The following FTSJ3 variants were observed in gnomAD, a reference collection of about 807,000 sequenced individuals.
FTSJ3 encodes the protein FtsJ RNA 2'-O-methyltransferase 3, also known as pre-rRNA 2'-O-ribose RNA methyltransferase FTSJ3.
In FTSJ3, 46 loss-of-function variants were observed where a neutral mutation model predicts 111.5. The ratio of observed to expected loss-of-function variants is 0.41; its 90% CI spans 0.33 to 0.53. The LOEUF (loss-of-function observed/expected upper bound fraction) is 0.53. Ranked by LOEUF, FTSJ3 falls within the 20% of genes least tolerant of loss-of-function variation. The probability of loss-of-function intolerance (pLI) is 0.19; values close to 1 mark genes in which losing one functional copy is unlikely to be tolerated. For missense variants in FTSJ3, 1,075 were observed against 1,063.8 expected (o/e 1.01, Z -0.15); for synonymous variants, 408 against 383.0 (o/e 1.07, Z -0.76).
rs1347936320 is a variant in FTSJ3 at position 63,821,413 on chromosome 17, C to T, written c.1827G>A (p.Gly609=). Residue 609 remains glycine (G), a synonymous_variant, in exon 16 of 21, where the codon GGG becomes GGA. Transcript: ENST00000427159. The part of the protein sequence containing the change: ...SGTEAATGLE[G]EEKDGISDSD... ...TGTCTGAGATGCCATCCTTTTCTTCCCCTTCAAGGCCAGTGGCAGCTTCTG... is the reference window on the plus strand; with the variant it reads ...TGTCTGAGATGCCATCCTTTTCTTCTCCTTCAAGGCCAGTGGCAGCTTCTG... 2 of 1,613,952 alleles carry T rather than the reference C, an allele frequency of 1.2e-6. No homozygotes were observed. The highest frequency in any genetic ancestry group is 3.3e-5 in the Admixed American group (2 of 60,006).
rs185973898 is a variant in FTSJ3 at position 63,820,099 on chromosome 17, C to A, written c.2331G>T (p.Glu777Asp). ...ATTACCTTCGCAGCTGTGCCACTTT[C>A]TCTCGTTCTGAGATGTCCACTGTGT... ...VVNTVDISER[E>D]KVAQLRSLYK... The change falls in exon 20 of 21, where the codon GAG (glutamate) becomes GAT (aspartate). Residue 777 changes from glutamate (E) to aspartate (D), a missense_variant. Glu to Asp is a conservative substitution (Grantham distance 45, BLOSUM62 2). Coordinates refer to ENST00000427159, the MANE Select transcript of FTSJ3 (RefSeq NM_017647.4). The A allele has an allele frequency of 4.3e-5, 69 of 1,614,148 alleles. No individual in the cohort carries two copies. The highest frequency in any genetic ancestry group is 5.6e-5 in the Non-Finnish European group (66 of 1,180,026).
rs2040044390 is a variant in FTSJ3 at position 63,820,977 on chromosome 17, A to G, written c.1973-39T>C. 1.9e-6 allele frequency: 3 copies of G among 1,610,176 alleles called. No individual in the cohort carries two copies. In the East Asian group the frequency reaches 6.7e-5, roughly 36 times the overall value. On this transcript the variant is annotated intron_variant, in intron 17 of 20. Coordinates refer to ENST00000427159, the MANE Select transcript of FTSJ3 (RefSeq NM_017647.4). ...GAGAAAGGTCAAAGCTCAATTCCCAATACTGAGACTTCCAGTGGTCTTTTC... is the reference window on the plus strand; with the variant it reads ...GAGAAAGGTCAAAGCTCAATTCCCAGTACTGAGACTTCCAGTGGTCTTTTC...
Position 63,827,070 on chromosome 17 carries a change from T to C in FTSJ3, c.-45A>G. ...ACACTACCTAGACCCAGAGCCGCTT[T>C]CTCCACACTTGGAACCGCACAAGTA... On this transcript the variant is annotated 5_prime_UTR_variant, in exon 1 of 21. Coordinates refer to ENST00000427159, the MANE Select transcript of FTSJ3 (RefSeq NM_017647.4). 1 of 665,206 alleles carries C rather than the reference T, an allele frequency of 1.5e-6. No individual in the cohort carries two copies. Among genetic ancestry groups the C allele is most frequent in the Non-Finnish European group, 2.6e-6 (1 of 379,632 alleles). 41.2% of individuals were successfully genotyped at this position (665,206 alleles called of 1,614,324 possible). A position where few individuals can be genotyped will look rare whatever the true frequency, so the allele number is the denominator to read the frequency against.
chr17:63,824,100 C>A lies in FTSJ3; in HGVS notation c.1138G>T (p.Val380Leu). The A allele has an allele frequency of 6.2e-7, 1 of 1,614,208 alleles. No individual in the cohort carries two copies. Among genetic ancestry groups the A allele is most frequent in the Non-Finnish European group, 8.5e-7 (1 of 1,180,046 alleles). The change falls in exon 12 of 21, where the codon GTG (valine) becomes TTG (leucine). Residue 380 changes from valine (V) to leucine (L), a missense_variant. Physicochemically the swap from Val to Leu is conservative, Grantham distance 32 (BLOSUM62 1). This residue lies in a region of FTSJ3 where 867 missense variants were observed against 796.9 expected (regional missense o/e 1.09). Transcript: ENST00000427159. ...QTLAEMKAQE[V>L]AELKRKKKKL... Reference sequence around the variant, plus strand: ...TCCTTTCACCTCTTCAATTCCGCCACCTCCTGGGCCTTCATTTCTGCCAAG... The same window carrying A: ...TCCTTTCACCTCTTCAATTCCGCCAACTCCTGGGCCTTCATTTCTGCCAAG...
rs1409800586 is a variant in FTSJ3, at chr17:63,826,079, T to C, written c.277A>G (p.Ile93Val). The stretch of plus-strand genomic sequence containing the variant: ...ACCTGCCTACAACGTTCTGTTGTGA[T>C]GTCCTGCTGGAGAGTCACCACATTG... ...LPNVVTLQQD[I>V]TTERCRQALR... Residue 93 changes from isoleucine to valine, a missense_variant, in exon 5 of 21, where the codon ATC (isoleucine) becomes GTC (valine). Physicochemically the swap from Ile to Val is conservative, Grantham distance 29. Coordinates refer to ENST00000427159, the MANE Select transcript of FTSJ3 (RefSeq NM_017647.4). The C allele has an allele frequency of 3.1e-6, 5 of 1,613,382 alleles. No homozygotes were observed. The highest frequency in any genetic ancestry group is 3.3e-5 in the Admixed American group (2 of 59,990).
intron 16 of FTSJ3, 71 bp downstream of exon 16, chr17:63,821,283 A>AC: frequency 6.5e-7 from 1 of 1,532,744 alleles, no homozygotes; most frequent in Non-Finnish European, 8.9e-7. Context: ...AAGATTAAGA[A>AC]CCCCCAATTT....
rs1469587281 is a variant in FTSJ3, at chr17:63,825,364, A to G, written c.473T>C (p.Val158Ala). 6.2e-7 allele frequency: 1 copy of G among 1,613,968 alleles called. No homozygotes were observed. Among genetic ancestry groups the G allele is most frequent in the Admixed American group, 1.7e-5 (1 of 59,986 alleles). The change falls in exon 7 of 21, where the codon GTT (valine) becomes GCT (alanine). Residue 158 changes from valine to alanine, a missense_variant. Val to Ala is a moderately conservative substitution (Grantham distance 64, BLOSUM62 0). Coordinates refer to ENST00000427159, the MANE Select transcript of FTSJ3 (RefSeq NM_017647.4). ...AGGCTGATAGTCACGAGAACGGAAA[A>G]CCTTTGTGATGAAGCTGCCACCACG... is the stretch of plus-strand genomic sequence containing the variant. ...LARGGSFITKVFRSRDYQPLL... is the reference protein window; with the variant it reads ...LARGGSFITKAFRSRDYQPLL...
At position 63,821,395 on chromosome 17, in the gene FTSJ3, G is replaced by T. The variant is rs938657224; in HGVS notation, c.1845C>A (p.Ile615=). 3 of 1,613,872 alleles carry T rather than the reference G, an allele frequency of 1.9e-6. No homozygotes were observed. Among genetic ancestry groups the T allele is most frequent in the Non-Finnish European group, 2.5e-6 (3 of 1,180,034 alleles). The change falls in exon 16 of 21, where the codon ATC becomes ATA. Residue 615 remains isoleucine (I), a synonymous_variant. Transcript: ENST00000427159. ...TGLEGEEKDG[I]SDSDSSTSSE... is the part of the protein sequence containing the mutation. ...TGCTAGTACTGCTATCACTGTCTGAGATGCCATCCTTTTCTTCCCCTTCAA... is the reference window on the plus strand; with the variant it reads ...TGCTAGTACTGCTATCACTGTCTGATATGCCATCCTTTTCTTCCCCTTCAA...
chr17:63,824,790 G>T (rs750695064), intron 9 of FTSJ3, 35 bp downstream of exon 9: 2 of 1,605,370 alleles, frequency 1.2e-6, no homozygotes, highest in African/African-American at 2.7e-5. Flanking sequence ...CATGTTTCTG[G>T]GGCTACCTCA....
At position 63,824,140 on chromosome 17, in the gene FTSJ3, TTCC is replaced by T. The variant is rs760403881; in HGVS notation, c.1095_1097del (p.Glu366del). 47 of 1,614,050 alleles carry T rather than the reference TTCC, an allele frequency of 2.9e-5. No individual in the cohort carries two copies. The highest frequency in any genetic ancestry group is 2.5e-4 in the South Asian group (23 of 91,080). ...TTTCTGCCAAGGTCTGGTTCAGTTGTTCCTCCTCCTCCTCTTCCTCCTCCTCCT... is the reference window on the plus strand; with the variant it reads ...TTTCTGCCAAGGTCTGGTTCAGTTGTTCCTCCTCCTCTTCCTCCTCCTCCT... On this transcript the variant is annotated inframe_deletion, in exon 12 of 21. Coordinates refer to ENST00000427159, the MANE Select transcript of FTSJ3 (RefSeq NM_017647.4).
chr17:63,826,687 C>A lies in FTSJ3; in HGVS notation c.68-15G>T. 1 of 1,605,482 alleles carries A rather than the reference C, an allele frequency of 6.2e-7. No homozygotes were observed. Among genetic ancestry groups the A allele is most frequent in the South Asian group, 1.1e-5 (1 of 90,896 alleles). On this transcript the variant is annotated splice_polypyrimidine_tract_variant and intron_variant, in intron 2 of 20. Transcript: ENST00000427159. Reference sequence around the variant, plus strand: ...GGAACGGTAACCTGGACAAAACAACCAAGTGCGCAAACTGCTTCACTAGTA... The same window carrying A: ...GGAACGGTAACCTGGACAAAACAACAAAGTGCGCAAACTGCTTCACTAGTA...
intron 14 of FTSJ3, 59 bp from the exon 15 acceptor site, chr17:63,821,902 GC>G: frequency 6.2e-7 from 1 of 1,613,540 alleles, no homozygotes; most frequent in East Asian, 2.2e-5. Context: ...AGCCCTTGCT[GC>G]CCTACTCAGG....
chr17:63,827,448 C>G lies in FTSJ3; in HGVS notation c.-423G>C, dbSNP rs2040120913. 14 of 1,551,642 alleles carry G rather than the reference C, an allele frequency of 9.0e-6. No homozygotes were observed. Among genetic ancestry groups the G allele is most frequent in the African/African-American group, 1.4e-5 (1 of 73,080 alleles). ...AATCCTCCGCTTCCGCGCTTGCGCG[C>G]CAAGACGGCTCGGATGCCGGCGGTC... On this transcript the variant is annotated 5_prime_UTR_variant, in exon 1 of 21. Transcript: ENST00000427159.
At position 63,822,167 on chromosome 17, in the gene FTSJ3, A is replaced by G; in HGVS notation, c.1292T>C (p.Leu431Ser). ...ATCCCCTTGTGTTACTTCCTCTAATAACTGAAGTGTAACAGAAACAAAGGT... is the reference window on the plus strand; with the variant it reads ...ATCCCCTTGTGTTACTTCCTCTAATGACTGAAGTGTAACAGAAACAAAGGT... ...FSLSTIRGHQ[L>S]LEEVTQGDMS... The change falls in exon 14 of 21, where the codon TTA (leucine) becomes TCA (serine). Residue 431 changes from leucine (L) to serine (S), a missense_variant and splice_region_variant. Transcript: ENST00000427159. 1.9e-6 allele frequency: 3 copies of G among 1,612,770 alleles called. No individual in the cohort carries two copies. The highest frequency in any genetic ancestry group is 2.5e-6 in the Non-Finnish European group (3 of 1,179,258).
Position 63,826,663 on chromosome 17 carries a change from G to C in FTSJ3, c.77C>G (p.Ser26Cys), listed in dbSNP as rs750376848. The change falls in exon 3 of 21, where the codon TCC (serine) becomes TGC (cysteine). Residue 26 changes from serine to cysteine, a missense_variant. Around this residue, in one of 2 missense-constraint regions of FTSJ3, gnomAD observed 208 missense variants for 266.9 expected, o/e 0.78. Coordinates refer to ENST00000427159, the MANE Select transcript of FTSJ3 (RefSeq NM_017647.4). ...YHLAKETGYR[S>C]RSAFKLIQLN... ...CTGGATCAGCTTGAAAGCAGATCGGGAACGGTAACCTGGACAAAACAACCA... is the reference window on the plus strand; with the variant it reads ...CTGGATCAGCTTGAAAGCAGATCGGCAACGGTAACCTGGACAAAACAACCA... 10 of 1,613,652 alleles carry C rather than the reference G, an allele frequency of 6.2e-6. No individual in the cohort carries two copies. Among genetic ancestry groups the C allele is most frequent in the Non-Finnish European group, 8.5e-6 (10 of 1,179,788 alleles).
rs1277272385 is a variant in FTSJ3, at chr17:63,827,056, A to T, written c.-31T>A. The stretch of plus-strand genomic sequence containing the variant: ...GCGCCCCTCTCCGCACACTACCTAG[A>T]CCCAGAGCCGCTTTCTCCACACTTG... On this transcript the variant is annotated 5_prime_UTR_variant, in exon 1 of 21. Coordinates refer to ENST00000427159, the MANE Select transcript of FTSJ3 (RefSeq NM_017647.4). 7 of 711,722 alleles carry T rather than the reference A, an allele frequency of 9.8e-6. No homozygotes were observed. The highest frequency in any genetic ancestry group is 1.7e-5 in the Non-Finnish European group (7 of 411,674). The allele number at this position is 711,722 out of a possible 1,614,324, so 44.1% of individuals were successfully genotyped here.
In FTSJ3 at chr17:63,820,378, C is replaced by T; in HGVS notation, c.2133G>A (p.Gln711=). 6.2e-7 allele frequency: 1 copy of T among 1,614,182 alleles called. No individual in the cohort carries two copies. The highest frequency in any genetic ancestry group is 8.5e-7 in the Non-Finnish European group (1 of 1,180,044). ...CAACAGGCAACTGTCGTATCCGGTG[C>T]TGCTTTTCCTCTTGCACAAACCACT... ...LPEWFVQEEK[Q]HRIRQLPVGK... The change falls in exon 19 of 21, where the codon CAG becomes CAA. Residue 711 remains glutamine, a synonymous_variant. Transcript: ENST00000427159.
intron 16 of FTSJ3, 64 bp from the exon 17 acceptor site, chr17:63,821,179 G>A (rs953653320): frequency 1.2e-5 from 19 of 1,580,080 alleles, no homozygotes; most frequent in South Asian, 2.2e-5. Context: ...GCACTCCCAC[G>A]GAATTTGCAA....
At chr17:63,820,817 G>T in intron 18 of FTSJ3, 22 bp downstream of exon 18, 1 of 1,561,892 alleles carries the variant, frequency 6.4e-7, no homozygotes, top group Non-Finnish European at 8.8e-7. Flanking sequence ...GGTCACTCTT[G>T]ATGAGTTTAT....
Sources: allele counts gnomAD v4.1 joint callset, GRCh38; gene constraint gnomAD v4.1.1; regional missense constraint gnomAD v4.1.1; transcripts MANE v1.5; gene names NCBI Gene and HGNC (gene_info 2026-07-23, HGNC 2026-07-21).